PSMA5: variants seen among roughly 807,000 people sequenced by gnomAD.
PSMA5 encodes proteasome subunit alpha type-5.
A neutral mutation model predicts 34.5 loss-of-function variants in PSMA5; 3 were observed. The ratio of observed to expected loss-of-function variants is 0.09; its 90% CI spans 0.04 to 0.22. The LOEUF (loss-of-function observed/expected upper bound fraction) is 0.22, where lower values mean the gene tolerates loss of function less well. Among genes scored for constraint, PSMA5 ranks in the 10% least tolerant of loss-of-function variants. The pLI, the probability that PSMA5 is intolerant of heterozygous loss-of-function variation, is 1.00. For synonymous variants in PSMA5, 88 were observed against 95.8 expected (o/e 0.92, Z 0.47); for missense variants, 120 against 286.1 (o/e 0.42, Z 4.19).
chr1:109,424,165 C>T (rs2100976936), intron 1 of PSMA5, among the ~76,000 whole-genome samples: 1 of 152,270 alleles, frequency 6.6e-6, no homozygotes, highest in South Asian at 2.1e-4. Flanking sequence ...ATGTCAGCTC[C>T]TTTGTGAAGT....
At chr1:109,416,365 C>G (rs1389390232) in intron 2 of PSMA5, among the ~76,000 whole-genome samples, 1 of 152,200 alleles carries the variant, frequency 6.6e-6, no homozygotes, top group East Asian at 1.9e-4. Context: ...TCGTTATTCT[C>G]CAACAAAATC....
At position 109,400,531 on chromosome 1, in the gene PSMA5, A is replaced by T. The variant is rs1321590083; in HGVS notation, c.*1482T>A. On this transcript the variant is annotated 3_prime_UTR_variant, in exon 9 of 9. Coordinates refer to ENST00000271308, the MANE Select transcript of PSMA5 (RefSeq NM_002790.4). ...AAAACAAAGTGATCTTTAGAGAAACAAATCTCCCCATCAACATGCTATACT... is the reference window on the plus strand; with the variant it reads ...AAAACAAAGTGATCTTTAGAGAAACTAATCTCCCCATCAACATGCTATACT... 2 of 152,238 alleles carry T rather than the reference A, an allele frequency of 1.3e-5. No homozygotes were observed. The highest frequency in any genetic ancestry group is 4.8e-5 in the African/African-American group (2 of 41,468). 9.4% of individuals were successfully genotyped at this position (152,238 alleles called of 1,614,324 possible).
intron 1 of PSMA5, among the ~76,000 whole-genome samples, chr1:109,422,717 C>T (rs971186812): frequency 1.3e-5 from 2 of 152,138 alleles, no homozygotes; most frequent in Non-Finnish European, 2.9e-5. Context: ...GTGATCCACC[C>T]GCCTCGGCCT....
chr1:109,406,036 T>C (rs958108724), intron 8 of PSMA5, among the ~76,000 whole-genome samples: 4 of 152,170 alleles, frequency 2.6e-5, no homozygotes, highest in Admixed American at 1.3e-4. Context: ...ACAAGTACCC[T>C]GGGGGTGTCA....
intron 4 of PSMA5, chr1:109,412,794 A>G (rs1169080109): frequency 1.3e-5 from 4 of 310,330 alleles, no homozygotes; most frequent in South Asian, 7.3e-5. Context: ...CACAAAGTCA[A>G]TTAGGAAACA....
intron 2 of PSMA5, among the ~76,000 whole-genome samples, chr1:109,416,028 T>G (rs186731182): frequency 2.1e-4 from 32 of 152,308 alleles, no homozygotes; most frequent in Admixed American, 5.2e-4. Flanking sequence ...CATCTACTCC[T>G]CTATGCCCAT....
intron 2 of PSMA5, among the ~76,000 whole-genome samples, chr1:109,421,496 A>G (rs1654444062): frequency 6.6e-6 from 1 of 151,820 alleles, no homozygotes; most frequent in Non-Finnish European, 1.5e-5. Context: ...AAGAAAGAAT[A>G]CAAAGGTGGT....
chr1:109,417,011 G>C (rs555326327), intron 2 of PSMA5, among the ~76,000 whole-genome samples: 1 of 152,148 alleles, frequency 6.6e-6, no homozygotes, highest in Non-Finnish European at 1.5e-5. Context: ...AGGCTGAAAC[G>C]GTAGGACTGC....
chr1:109,420,506 T>C (rs1379290949), intron 2 of PSMA5, among the ~76,000 whole-genome samples: 1 of 152,238 alleles, frequency 6.6e-6, no homozygotes, highest in East Asian at 1.9e-4. Flanking sequence ...ATTGCTATTT[T>C]TGTTACAAGG....
chr1:109,410,023 AAAG>A lies in PSMA5; in HGVS notation c.562-12_562-10del, dbSNP rs777621847. ...TCTTTCAAAGTCATAGACTTGAAAC[AAAG>A]AAGGCAAGAAGATGCCTATTAATTA... On this transcript the variant is annotated splice_polypyrimidine_tract_variant and intron_variant, in intron 7 of 8. Coordinates refer to ENST00000271308, the MANE Select transcript of PSMA5 (RefSeq NM_002790.4). The A allele has an allele frequency of 6.4e-7, 1 of 1,560,746 alleles. No homozygotes were observed. Among genetic ancestry groups the A allele is most frequent in the African/African-American group, 1.4e-5 (1 of 73,220 alleles).
chr1:109,406,164 A>G (rs1239837651), intron 8 of PSMA5, among the ~76,000 whole-genome samples: 5 of 152,248 alleles, frequency 3.3e-5, no homozygotes. Context: ...ATAGTTCCAA[A>G]GAGTGACCAT....
chr1:109,402,084 T>C lies in PSMA5; in HGVS notation c.655A>G (p.Thr219Ala), dbSNP rs774287745. The C allele has an allele frequency of 5.0e-6, 8 of 1,611,580 alleles. No individual in the cohort carries two copies. Among genetic ancestry groups the C allele is most frequent in the Non-Finnish European group, 5.9e-6 (7 of 1,178,696 alleles). ...KLNATNIELA[T>A]VQPGQNFHMF... ...TGGAAATTCTGGCCAGGCTGCACTGTGGCTAGCTGGAAAGAAAACAGAAGG... is the reference window on the plus strand; with the variant it reads ...TGGAAATTCTGGCCAGGCTGCACTGCGGCTAGCTGGAAAGAAAACAGAAGG... Residue 219 changes from threonine to alanine, a missense_variant, in exon 9 of 9, where the codon ACA becomes GCA. Physicochemically the swap from Thr to Ala is moderately conservative, Grantham distance 58. Transcript: ENST00000271308.
chr1:109,404,060 A>C (rs1487383451), intron 8 of PSMA5, among the ~76,000 whole-genome samples: 1 of 152,156 alleles, frequency 6.6e-6, no homozygotes, highest in African/African-American at 2.4e-5. Flanking sequence ...GTAGCCTGTA[A>C]TTCCTTCAAT....
chr1:109,413,350 C>T (rs568222693), intron 3 of PSMA5, among the ~76,000 whole-genome samples: 32 of 152,166 alleles, frequency 2.1e-4, no homozygotes, highest in Non-Finnish European at 3.4e-4. Context: ...ACACAGAAGT[C>T]CAGACGATAA....
intron 8 of PSMA5, among the ~76,000 whole-genome samples, chr1:109,404,585 G>A (rs1015889244): frequency 1.3e-5 from 2 of 152,160 alleles, no homozygotes; most frequent in African/African-American, 2.4e-5. Context: ...GCCAAGGACT[G>A]CCTTCAGGAA....
Position 109,411,782 on chromosome 1 carries a change from C to G in PSMA5, c.458+95G>C, listed in dbSNP as rs928549476. 4 of 1,263,242 alleles carry G rather than the reference C, an allele frequency of 3.2e-6. No individual in the cohort carries two copies. The Admixed American group carries it at 7.4e-5, about 23-fold the overall frequency. The allele number at this position is 1,263,242 out of a possible 1,614,324, so 78.3% of individuals were successfully genotyped here. A position where few individuals can be genotyped will look rare whatever the true frequency, so the allele number is the denominator to read the frequency against. On this transcript the variant is annotated intron_variant, in intron 6 of 8. Transcript: ENST00000271308. ...TGGGACTACAGGTGTGTGCTAATAC[C>G]TGGCTAACAGTCTACAATAATCTTC...
intron 1 of PSMA5, among the ~76,000 whole-genome samples, chr1:109,422,900 T>C (rs1654503607): frequency 6.6e-6 from 1 of 152,258 alleles, no homozygotes; most frequent in Non-Finnish European, 1.5e-5. Context: ...ATTCACTCAA[T>C]ATTTATATAA....
intron 8 of PSMA5, among the ~76,000 whole-genome samples, chr1:109,405,168 A>G (rs1427664007): frequency 6.6e-6 from 1 of 152,214 alleles, no homozygotes; most frequent in Non-Finnish European, 1.5e-5. Flanking sequence ...TAAAGTGGTT[A>G]AAAGTATAAG....
chr1:109,422,438 G>A (rs1215815022), intron 1 of PSMA5, among the ~76,000 whole-genome samples: 5 of 150,980 alleles, frequency 3.3e-5, no homozygotes, highest in Admixed American at 3.3e-4. Context: ...AGTAGGAAGA[G>A]TTTTCCCCCT....
Sources: allele counts gnomAD v4.1 joint callset (sites outside exome capture counted in the v4.1 genomes callset), GRCh38; gene constraint gnomAD v4.1.1; transcripts MANE v1.5; gene names NCBI Gene and HGNC (gene_info 2026-07-23, HGNC 2026-07-21).